LRTM3: variants seen among roughly 807,000 people sequenced by gnomAD.
The protein encoded by LRTM3 is leucine-rich repeat transmembrane protein 3.
the LRTM3 span, chr13:102,730,435 A>G: frequency 2.8e-5 from 43 of 1,551,034 alleles, no homozygotes; most frequent in South Asian, 4.8e-5. Flanking sequence ...CAGCTGAACC[A>G]GTAGCATTTC....
chr13:102,734,155 C>G, the LRTM3 span: 1 of 1,551,434 alleles, frequency 6.4e-7, no homozygotes, highest in Non-Finnish European at 8.7e-7. Flanking sequence ...TTGGTGAAAT[C>G]CTTGCCTCTT....
the LRTM3 span, chr13:102,744,034 A>G: frequency 6.4e-7 from 1 of 1,550,388 alleles, no homozygotes; most frequent in Non-Finnish European, 8.7e-7. Context: ...AGAGTTTATC[A>G]ATCATTGATT....
chr13:102,737,406 A>G, the LRTM3 span: 4 of 1,550,806 alleles, frequency 2.6e-6, no homozygotes, highest in African/African-American at 1.4e-5. Flanking sequence ...AAATGTAGGA[A>G]GAGAACTGTT....
the LRTM3 span, chr13:102,743,144 TCTTG>T: frequency 6.4e-7 from 1 of 1,550,546 alleles, no homozygotes; most frequent in South Asian, 1.2e-5. Context: ...TGTAAGATGT[TCTTG>T]CTTCTCTTCC....
chr13:102,736,879 A>T, the LRTM3 span: 1 of 1,551,000 alleles, frequency 6.4e-7, no homozygotes, highest in African/African-American at 1.4e-5. Flanking sequence ...ATTTCCCTGT[A>T]TCTGATGATT....
chr13:102,736,395 C>A, the LRTM3 span: 1 of 1,551,090 alleles, frequency 6.4e-7, no homozygotes, highest in East Asian at 2.4e-5. Context: ...TGCATCAGGC[C>A]ATGCATGGAT....
the LRTM3 span, chr13:102,736,832 C>T: frequency 6.4e-7 from 1 of 1,551,112 alleles, no homozygotes; most frequent in Admixed American, 2.0e-5. Flanking sequence ...GTTTGAATCA[C>T]CTGTGATATC....
chr13:102,735,129 C>T, the LRTM3 span: 1 of 1,551,246 alleles, frequency 6.4e-7, no homozygotes, highest in African/African-American at 1.4e-5. Context: ...ACTTTCTGGA[C>T]CTTTTCCTCC....
chr13:102,740,121 C>G, the LRTM3 span: 1 of 1,547,966 alleles, frequency 6.5e-7, no homozygotes. Context: ...TTTTCATTTG[C>G]CTTTTGTGTT....
At chr13:102,746,667 A>G in the LRTM3 span, 5 of 1,551,122 alleles carry the variant, frequency 3.2e-6, no homozygotes, top group African/African-American at 2.7e-5. Context: ...TTAGAACAAG[A>G]TAAAACAGGA....
At chr13:102,756,630 T>A in the LRTM3 span, among the ~76,000 whole-genome samples, 44,772 of 132,640 alleles carry the variant, frequency 0.34, 7,075 homozygotes, top group Middle Eastern at 0.48. Context: ...GCTGAGGTCA[T>A]GCCATTGCTC....
At chr13:102,741,747 A>T in the LRTM3 span, 5 of 1,550,366 alleles carry the variant, frequency 3.2e-6, no homozygotes, top group East Asian at 1.2e-4. Flanking sequence ...TCTCTCTCCC[A>T]CGGAATTGAA....
chr13:102,736,959 T>C, the LRTM3 span: 4 of 1,551,196 alleles, frequency 2.6e-6, no homozygotes, highest in Non-Finnish European at 3.5e-6. Flanking sequence ...GCTGTTCGTT[T>C]GTCTAATTTA....
chr13:102,741,552 C>A, the LRTM3 span: 2 of 1,550,148 alleles, frequency 1.3e-6, no homozygotes, highest in Non-Finnish European at 1.7e-6. Flanking sequence ...GTTACCTTTC[C>A]TGTGTTTTCC....
At chr13:102,756,842 T>C in the LRTM3 span, among the ~76,000 whole-genome samples, 1 of 152,084 alleles carries the variant, frequency 6.6e-6, no homozygotes, top group Non-Finnish European at 1.5e-5. Flanking sequence ...CCCTAACCTC[T>C]TCTTCTCCAT....
At chr13:102,755,961 A>ATT in the LRTM3 span, among the ~76,000 whole-genome samples, 2,785 of 53,280 alleles carry the variant, frequency 0.052, 90 homozygotes, top group African/African-American at 0.13. Context: ...ATATATATAT[A>ATT]TTTTTTTTTT....
At chr13:102,742,853 A>G in the LRTM3 span, 4 of 1,550,704 alleles carry the variant, frequency 2.6e-6, no homozygotes, top group Non-Finnish European at 2.6e-6. Flanking sequence ...AGAATGGCCA[A>G]TGTTCTGTTT....
chr13:102,732,735 C>T, the LRTM3 span: 10 of 1,551,222 alleles, frequency 6.4e-6, no homozygotes, highest in Non-Finnish European at 8.7e-6. Context: ...GCAGTCCTGG[C>T]CTTGTGCATC....
At chr13:102,739,680 T>A in the LRTM3 span, 2 of 1,550,396 alleles carry the variant, frequency 1.3e-6, no homozygotes, top group Middle Eastern at 1.7e-4. Context: ...CTTTTTATTC[T>A]TTTCATATCC....
Sources: gnomAD v4.1 joint callset for allele counts (sites outside exome capture counted in the v4.1 genomes callset) on GRCh38, gnomAD v4.1.1 for gene constraint, MANE v1.5 for transcripts, NCBI Gene and HGNC (gene_info 2026-07-23, HGNC 2026-07-21) for gene names.